Variants in HMGA2 observed in about 807,000 individuals in gnomAD.
HMGA2 encodes the protein high mobility group protein HMGI-C.
In HMGA2, 8 loss-of-function variants were observed where a neutral mutation model predicts 19.1. The ratio of observed to expected loss-of-function variants is 0.42; its 90% confidence interval spans 0.25 to 0.76. The LOEUF (loss-of-function observed/expected upper bound fraction) is 0.76, where lower values mean the gene tolerates loss of function less well. HMGA2 is among the 30% of genes least tolerant of loss of function. The pLI is 0.28. For synonymous variants in HMGA2, 60 were observed against 48.8 expected (o/e 1.23, Z -0.96); for missense variants, 109 against 136.3 (o/e 0.80, Z 1.00).
At chr12:65,898,486 G>T (rs1284183538) in intron 3 of HMGA2, among the ~76,000 whole-genome samples, 5 of 152,124 alleles carry the variant, frequency 3.3e-5, no homozygotes, top group African/African-American at 7.2e-5. Context: ...GTCCTGGAAA[G>T]GTGCTAACGA....
At chr12:65,959,883 T>C (rs557700855) in intron 4 of HMGA2, among the ~76,000 whole-genome samples, 1 of 152,204 alleles carries the variant, frequency 6.6e-6, no homozygotes, top group East Asian at 1.9e-4. Flanking sequence ...GCCATGTCTT[T>C]TTTTCTTTTT....
chr12:65,826,334 G>C (rs564953769), intron 1 of HMGA2: 1 of 152,410 alleles, frequency 6.6e-6, no homozygotes, highest in East Asian at 1.9e-4. Context: ...GCAGAGCTGC[G>C]CTCAGCGCGC....
intron 3 of HMGA2, chr12:65,915,613 CT>C: frequency 1.0e-6 from 1 of 953,554 alleles, no homozygotes; most frequent in Non-Finnish European, 1.3e-6. Context: ...GTCTTTTATC[CT>C]CTGTGCAGTT....
At chr12:65,940,574 A>G (rs1876057740) in intron 3 of HMGA2, among the ~76,000 whole-genome samples, 1 of 152,192 alleles carries the variant, frequency 6.6e-6, no homozygotes, top group African/African-American at 2.4e-5. Context: ...TGCTATTTTT[A>G]TAGATAAAAG....
intron 3 of HMGA2, chr12:65,915,164 T>G (rs767674875): frequency 3.7e-5 from 60 of 1,612,318 alleles, no homozygotes; most frequent in Non-Finnish European, 4.7e-5. Flanking sequence ...TAGCTCTTCA[T>G]GTTATTTTCA....
intron 3 of HMGA2, among the ~76,000 whole-genome samples, chr12:65,873,315 C>T (rs1238638755): frequency 6.6e-6 from 1 of 152,210 alleles, no homozygotes; most frequent in Non-Finnish European, 1.5e-5. Context: ...GTTCTGTTGT[C>T]TGGTGTGTTA....
At chr12:65,941,401 A>G (rs1376096283) in intron 3 of HMGA2, among the ~76,000 whole-genome samples, 2 of 152,180 alleles carry the variant, frequency 1.3e-5, no homozygotes, top group Non-Finnish European at 2.9e-5. Flanking sequence ...CAACTGTTTA[A>G]AAACGTTAAG....
intron 3 of HMGA2, among the ~76,000 whole-genome samples, chr12:65,878,309 G>T (rs1565718539): frequency 6.6e-6 from 1 of 152,204 alleles, no homozygotes; most frequent in Non-Finnish European, 1.5e-5. Context: ...GAACTGCCAA[G>T]CTAGGTAGCC....
At chr12:65,922,338 C>T (rs1316189364) in intron 3 of HMGA2, among the ~76,000 whole-genome samples, 1 of 152,206 alleles carries the variant, frequency 6.6e-6, no homozygotes. Flanking sequence ...TAGGAACCAA[C>T]CTCTTACATC....
In HMGA2 at chr12:65,927,949, G is replaced by GTA. The variant is rs10581504; in HGVS notation, c.250-23418_250-23417dup. ...TCTGTCACCCAAAATATGTATGTGA[G>GTA]TATATATATATATATATGTATGTAT... On this transcript the variant is annotated intron_variant, in intron 3 of 4. Transcript: ENST00000403681. Among the ~76,000 whole-genome samples the GTA allele has an allele frequency of 5.0e-3, 733 of 146,384 alleles. 3 individuals carry two copies. Among genetic ancestry groups the GTA allele is most frequent in the Non-Finnish European group, 7.3e-3 (485 of 66,780 alleles).
At chr12:65,895,000 G>A (rs1592428039) in intron 3 of HMGA2, among the ~76,000 whole-genome samples, 1 of 152,112 alleles carries the variant, frequency 6.6e-6, no homozygotes, top group Non-Finnish European at 1.5e-5. Context: ...AAATCCACCG[G>A]TACCAGTAAA....
chr12:65,947,273 C>CTATACCTG (rs1876301549), intron 3 of HMGA2, among the ~76,000 whole-genome samples: 1 of 152,156 alleles, frequency 6.6e-6, no homozygotes. Flanking sequence ...GCATGCGCCA[C>CTATACCTG]TATACCTGGC....
At chr12:65,867,864 G>A (rs1872511275) in intron 3 of HMGA2, 1 of 165,876 alleles carries the variant, frequency 6.0e-6, no homozygotes, top group African/African-American at 2.4e-5. Context: ...TTCCTCATTG[G>A]GCTCTCTGTA....
chr12:65,961,167 C>CCGTG (rs1162500969), intron 4 of HMGA2, among the ~76,000 whole-genome samples: 8 of 152,156 alleles, frequency 5.3e-5, no homozygotes, highest in African/African-American at 1.9e-4. Flanking sequence ...GGCTTTTATG[C>CCGTG]CGTGGTCTGT....
chr12:65,834,531 CTCCTTCCTTTTTT>C (rs1870620628), intron 2 of HMGA2, among the ~76,000 whole-genome samples: 1 of 147,934 alleles, frequency 6.8e-6, no homozygotes, highest in Non-Finnish European at 1.5e-5. Flanking sequence ...TCCCTTCTTC[CTCCTTCCTTTTTT>C]TCCTTCCTTC....
intron 3 of HMGA2, among the ~76,000 whole-genome samples, chr12:65,917,392 C>T (rs1875142814): frequency 6.6e-6 from 1 of 152,144 alleles, no homozygotes; most frequent in African/African-American, 2.4e-5. Flanking sequence ...AAAGCTAGGA[C>T]TGCAGAGAGG....
intron 3 of HMGA2, among the ~76,000 whole-genome samples, chr12:65,916,557 A>G (rs1875108332): frequency 6.6e-6 from 1 of 152,214 alleles, no homozygotes; most frequent in African/African-American, 2.4e-5. Context: ...AGCTTGAAGC[A>G]TTTTTTAATG....
At position 65,825,654 on chromosome 12, in the gene HMGA2, C is replaced by A. The variant is rs1230164338; in HGVS notation, c.111+273C>A. Among the ~76,000 whole-genome samples, 1 of 151,966 alleles carries A rather than the reference C, an allele frequency of 6.6e-6. No individual in the cohort carries two copies. The highest frequency in any genetic ancestry group is 1.9e-4 in the East Asian group (1 of 5,156). Reference sequence around the variant, plus strand: ...GGCGAAGCGCGTCCTCGGACTTTCGCTATTGTGCACGGCCCCGAGTGGCGC... The same window carrying A: ...GGCGAAGCGCGTCCTCGGACTTTCGATATTGTGCACGGCCCCGAGTGGCGC... On this transcript the variant is annotated intron_variant, in intron 1 of 4. Coordinates refer to ENST00000403681, the MANE Select transcript of HMGA2 (RefSeq NM_003483.6). The surrounding 1 kb of genome is among the most constrained non-coding windows in gnomAD (Gnocchi z 4.4).
chr12:65,961,498 G>A (rs2121330192), intron 4 of HMGA2, among the ~76,000 whole-genome samples: 1 of 152,288 alleles, frequency 6.6e-6, no homozygotes, highest in Admixed American at 6.5e-5. Context: ...TTAAAGGGGA[G>A]GTAGCCTCAT....
Sources: gnomAD v4.1 joint callset for allele counts (sites outside exome capture counted in the v4.1 genomes callset) on GRCh38, gnomAD v4.1.1 for gene constraint, Gnocchi (gnomAD v3.1) non-coding constraint, MANE v1.5 for transcripts, NCBI Gene and HGNC (gene_info 2026-07-23, HGNC 2026-07-21) for gene names.